The following CTNNA3 variants were observed in gnomAD, a reference collection of about 807,000 sequenced individuals.
The protein encoded by CTNNA3 is catenin alpha 3, also known as catenin alpha-3.
In CTNNA3, 76 loss-of-function variants were observed where a neutral mutation model predicts 95.7. That is an observed-to-expected ratio of 0.79 (90% confidence interval 0.66 to 0.96). The LOEUF is 0.96. Among genes scored for constraint, CTNNA3 ranks in the 40% least tolerant of loss-of-function variants. The pLI is 0.00. For missense variants in CTNNA3, 1,191 were observed against 1,089.8 expected, an observed-to-expected ratio of 1.09 and a Z score of -1.31; for synonymous variants, 431 against 374.4, an observed-to-expected ratio of 1.15 and a Z score of -1.74.
At chr10:67,076,613 T>C (rs1232022978) in intron 7 of CTNNA3, among the ~76,000 whole-genome samples, 1 of 152,166 alleles carries the variant, frequency 6.6e-6, no homozygotes, top group Non-Finnish European at 1.5e-5. Context: ...AAATAACAGG[T>C]TTCACTGTCA....
intron 11 of CTNNA3, among the ~76,000 whole-genome samples, chr10:66,389,401 G>C (rs2092918502): frequency 6.6e-6 from 1 of 152,086 alleles, no homozygotes; most frequent in Admixed American, 6.6e-5. Context: ...TCTGAGGTGA[G>C]GGGTGGAATG....
chr10:66,075,926 C>T (rs999396392), intron 14 of CTNNA3, among the ~76,000 whole-genome samples: 1 of 151,270 alleles, frequency 6.6e-6, no homozygotes, highest in Non-Finnish European at 1.5e-5. Context: ...ATTTCTCTAT[C>T]CATGAAACTG....
rs1444785274 is a variant in CTNNA3, at chr10:67,237,131, T to TATACACC, written c.580-17262_580-17261insGGTGTAT. On this transcript the variant is annotated intron_variant, in intron 5 of 17. Coordinates refer to ENST00000433211, the MANE Select transcript of CTNNA3 (RefSeq NM_013266.4). ...ATAAAGAAACTATGGTGTATGTATA[T>TATACACC]ATATATATATATATATATATATATA... is the stretch of plus-strand genomic sequence containing the variant. Among the ~76,000 whole-genome samples, 11 of 32,732 alleles carry TATACACC rather than the reference T, an allele frequency of 3.4e-4. 1 individual carries two copies. Among genetic ancestry groups the TATACACC allele is most frequent in the East Asian group, 3.2e-3 (3 of 950 alleles). The allele number at this position is 32,732 out of a possible 152,430, so 21.5% of individuals were successfully genotyped here.
chr10:67,203,006 C>T (rs926313689), intron 6 of CTNNA3, among the ~76,000 whole-genome samples: 3 of 151,904 alleles, frequency 2.0e-5, no homozygotes, highest in African/African-American at 7.3e-5. Context: ...AATGATTTAC[C>T]TCCTAAAACT....
intron 13 of CTNNA3, among the ~76,000 whole-genome samples, chr10:66,109,396 A>T (rs1333024991): frequency 6.6e-6 from 1 of 152,140 alleles, no homozygotes; most frequent in African/African-American, 2.4e-5. Flanking sequence ...GTATTGTAAG[A>T]AGTTTAGCAC....
At chr10:67,094,780 C>T (rs1411027749) in intron 7 of CTNNA3, among the ~76,000 whole-genome samples, 1 of 151,592 alleles carries the variant, frequency 6.6e-6, no homozygotes, top group Non-Finnish European at 1.5e-5. Flanking sequence ...CATAATTCAA[C>T]AAAGACTTAC....
chr10:66,214,357 A>G (rs1273940358), intron 13 of CTNNA3, among the ~76,000 whole-genome samples: 1 of 152,362 alleles, frequency 6.6e-6, no homozygotes, highest in Non-Finnish European at 1.5e-5. Context: ...AGCATATATT[A>G]TAATTTTTCA....
chr10:66,225,336 C>T (rs1306070167), intron 13 of CTNNA3, among the ~76,000 whole-genome samples: 1 of 148,438 alleles, frequency 6.7e-6, no homozygotes, highest in African/African-American at 2.5e-5. Context: ...AACATAATCC[C>T]CTCCAGACTC....
Position 67,743,798 on chromosome 10 carries a change from G to A in CTNNA3, c.-2+19636C>T, listed in dbSNP as rs1319286262. ...CTCCTTAAGCTGATAAGCAACTTCA[G>A]CAAAGTCTCAGGATACAAAATCAAT... On this transcript the variant is annotated intron_variant, in intron 1 of 17. Transcript: ENST00000684154. 3.3e-5 allele frequency among the ~76,000 whole-genome samples: 5 copies of A among 151,238 alleles called. 1 individual carries two copies. The highest frequency in any genetic ancestry group is 7.4e-5 in the Non-Finnish European group (5 of 67,724).
At chr10:66,857,449 T>A (rs1161805599) in intron 7 of CTNNA3, among the ~76,000 whole-genome samples, 2 of 151,954 alleles carry the variant, frequency 1.3e-5, no homozygotes, top group Non-Finnish European at 2.9e-5. Flanking sequence ...GTGAAGAATG[T>A]TTTTGGTAGT....
chr10:65,933,370 T>C (rs1307175382), intron 17 of CTNNA3, among the ~76,000 whole-genome samples: 2 of 152,180 alleles, frequency 1.3e-5, no homozygotes, highest in African/African-American at 4.8e-5. Flanking sequence ...CCTCTAATTA[T>C]GCCCTTTTAC....
intron 13 of CTNNA3, among the ~76,000 whole-genome samples, chr10:66,240,510 T>A (rs1405468816): frequency 6.6e-6 from 1 of 152,090 alleles, no homozygotes; most frequent in Non-Finnish European, 1.5e-5. Flanking sequence ...GGTTACCAGA[T>A]GCGCTATAGT....
At chr10:66,812,724 G>A (rs1359464212) in intron 7 of CTNNA3, among the ~76,000 whole-genome samples, 2 of 151,952 alleles carry the variant, frequency 1.3e-5, no homozygotes, top group African/African-American at 4.8e-5. Flanking sequence ...GCTATCTCAG[G>A]AAAGTCCTTT....
chr10:67,645,188 T>TGC (rs531994593), intron 2 of CTNNA3, among the ~76,000 whole-genome samples: 52 of 142,194 alleles, frequency 3.7e-4, no homozygotes, highest in Non-Finnish European at 4.3e-4. Context: ...AATGTGCACG[T>TGC]GCGCGCACAC....
chr10:66,516,900 A>G (rs149283418), intron 11 of CTNNA3, among the ~76,000 whole-genome samples: 8 of 152,250 alleles, frequency 5.3e-5, no homozygotes, highest in African/African-American at 1.9e-4. Context: ...GGGAACATGA[A>G]CAGAATTCAG....
rs1564841676 is a variant in CTNNA3, at chr10:66,289,163, AG to A, written c.1733-8543del. Among the ~76,000 whole-genome samples, 7 of 151,992 alleles carry A rather than the reference AG, an allele frequency of 4.6e-5. No homozygotes were observed. In the South Asian group the frequency reaches 1.5e-3, roughly 32 times the overall value. ...CTAACAAAACTGTTAATTAATTTTA[AG>A]GAGTTGTAATACTACAGTAAAAGAT... On this transcript the variant is annotated intron_variant, in intron 12 of 17. Coordinates refer to ENST00000433211, the MANE Select transcript of CTNNA3 (RefSeq NM_013266.4).
At position 67,073,264 on chromosome 10, in the gene CTNNA3, AT is replaced by A. The variant is rs556092568; in HGVS notation, c.1047+107052del. 7.2e-5 allele frequency among the ~76,000 whole-genome samples: 11 copies of A among 152,320 alleles called. No homozygotes were observed. In the South Asian group the frequency reaches 2.3e-3, roughly 32 times the overall value. On this transcript the variant is annotated intron_variant, in intron 7 of 17. Coordinates refer to ENST00000433211, the MANE Select transcript of CTNNA3 (RefSeq NM_013266.4). Reference sequence around the variant, plus strand: ...AAGCTATTACATTTTAATAGCTCTGATTAGTTTTTAAAACTCTATTGACACA... The same window carrying A: ...AAGCTATTACATTTTAATAGCTCTGATAGTTTTTAAAACTCTATTGACACA...
chr10:65,921,262 T>C (rs1432725238), intron 17 of CTNNA3, among the ~76,000 whole-genome samples: 1 of 152,212 alleles, frequency 6.6e-6, no homozygotes, highest in Non-Finnish European at 1.5e-5. Context: ...TCATAAAATG[T>C]TAACATTTCG....
intron 10 of CTNNA3, among the ~76,000 whole-genome samples, chr10:66,555,797 G>A (rs1842370952): frequency 6.6e-6 from 1 of 151,958 alleles, no homozygotes; most frequent in Non-Finnish European, 1.5e-5. Context: ...GAAGCTTAAA[G>A]ATAGCTCCCT....
Sources: gnomAD v4.1 joint callset for allele counts (sites outside exome capture counted in the v4.1 genomes callset) on GRCh38, gnomAD v4.1.1 for gene constraint, MANE v1.5 for transcripts, NCBI Gene and HGNC (gene_info 2026-07-23, HGNC 2026-07-21) for gene names.